The following BCR variants were observed in gnomAD, a reference collection of about 807,000 sequenced individuals.
BCR encodes breakpoint cluster region protein.
BCR carries 58 observed loss-of-function variants against 138.6 expected under a neutral mutation model. The observed-to-expected ratio is 0.42, with a 90% CI of 0.34 to 0.52. BCR has a LOEUF of 0.52. Ranked by LOEUF, BCR falls within the 20% of genes least tolerant of loss-of-function variation. BCR has a pLI of 0.06. For missense variants in BCR, 1,599 were observed against 1,727.2 expected (o/e 0.93, Z 1.32); for synonymous variants, 786 against 730.1 (o/e 1.08, Z -1.23).
chr22:23,181,519 G>A lies in BCR; in HGVS notation c.559G>A (p.Gly187Ser), dbSNP rs753502630. 6.2e-7 allele frequency: 1 copy of A among 1,612,596 alleles called. No homozygotes were observed. Among genetic ancestry groups the A allele is most frequent in the Non-Finnish European group, 8.5e-7 (1 of 1,179,678 alleles). The change falls in exon 1 of 23, where the codon GGC becomes AGC. Residue 187 changes from glycine to serine, a missense_variant. Transcript: ENST00000305877. Reference protein sequence around the residue: ...YVNVEFHHERGLVKVNDKEVS... With the variant: ...YVNVEFHHERSLVKVNDKEVS... ...GAACGTCGAGTTTCACCACGAGCGC[G>A]GCCTGGTGAAGGTCAACGACAAAGA...
At chr22:23,249,179 CA>C (rs1285612570) in intron 1 of BCR, among the ~76,000 whole-genome samples, 1 of 151,928 alleles carries the variant, frequency 6.6e-6, no homozygotes, top group Admixed American at 6.6e-5. Context: ...CCTGTAATCC[CA>C]GCACTTTGGG....
At chr22:23,306,544 G>T (rs1479406825) in intron 16 of BCR, among the ~76,000 whole-genome samples, 2 of 152,242 alleles carry the variant, frequency 1.3e-5, no homozygotes, top group Non-Finnish European at 2.9e-5. Flanking sequence ...AGGAAGCTCA[G>T]CTTTTCTGGG....
At chr22:23,260,816 A>G in intron 2 of BCR, 134 bp from the exon 3 acceptor site, 1 of 832,722 alleles carries the variant, frequency 1.2e-6, no homozygotes, top group Admixed American at 1.9e-5. Context: ...CCTCCCTTTA[A>G]TTCCATGTGG....
intron 1 of BCR, among the ~76,000 whole-genome samples, chr22:23,234,069 G>A (rs968295085): frequency 6.6e-6 from 1 of 152,144 alleles, no homozygotes; most frequent in African/African-American, 2.4e-5. Context: ...CATTAATGGC[G>A]TGTGCATGAG....
chr22:23,270,900 T>G (rs144954259), intron 5 of BCR, among the ~76,000 whole-genome samples: 9 of 152,352 alleles, frequency 5.9e-5, no homozygotes, highest in Non-Finnish European at 1.3e-4. Flanking sequence ...TAGCACCTCA[T>G]TTTTTAGTAA....
chr22:23,188,374 C>G (rs2072373677), intron 1 of BCR, among the ~76,000 whole-genome samples: 1 of 152,182 alleles, frequency 6.6e-6, no homozygotes, highest in African/African-American at 2.4e-5. Flanking sequence ...CCATGACTCC[C>G]TTTTGCTTAG....
At chr22:23,185,703 G>A (rs1369139582) in intron 1 of BCR, among the ~76,000 whole-genome samples, 1 of 149,900 alleles carries the variant, frequency 6.7e-6, no homozygotes, top group East Asian at 2.0e-4. Context: ...CTCACAGAAG[G>A]AGAGTGTGGT....
intron 1 of BCR, among the ~76,000 whole-genome samples, chr22:23,224,201 T>A (rs2072862427): frequency 6.6e-6 from 1 of 152,196 alleles, no homozygotes; most frequent in South Asian, 2.1e-4. Flanking sequence ...GGCTCTCCTG[T>A]CCCAAGTGGC....
intron 2 of BCR, among the ~76,000 whole-genome samples, chr22:23,257,980 G>C (rs1423309577): frequency 6.6e-6 from 1 of 152,172 alleles, no homozygotes; most frequent in Non-Finnish European, 1.5e-5. Context: ...AGACAGGGAA[G>C]TTCCTAGCTC....
chr22:23,203,392 A>G (rs987756299), intron 1 of BCR, among the ~76,000 whole-genome samples: 6 of 152,204 alleles, frequency 3.9e-5, no homozygotes, highest in African/African-American at 1.4e-4. Context: ...CAGTTCCATC[A>G]GGTGCTAAAA....
intron 10 of BCR, among the ~76,000 whole-genome samples, chr22:23,286,756 G>A (rs2073718934): frequency 6.6e-6 from 1 of 152,140 alleles, no homozygotes; most frequent in Non-Finnish European, 1.5e-5. Flanking sequence ...AACATGCCCA[G>A]GGGCCCGATG....
At chr22:23,280,481 A>C (rs1029054068) in intron 8 of BCR, among the ~76,000 whole-genome samples, 1 of 152,208 alleles carries the variant, frequency 6.6e-6, no homozygotes, top group Admixed American at 6.5e-5. Context: ...TGACTGTCAC[A>C]TTCCCACCTG....
At position 23,316,919 on chromosome 22, in the gene BCR, T is replaced by C. The variant is rs2074078153; in HGVS notation, c.*1397T>C. The C allele has an allele frequency of 1.5e-5, 2 of 136,912 alleles. No homozygotes were observed. The highest frequency in any genetic ancestry group is 8.6e-5 in the African/African-American group (2 of 23,332). 8.5% of individuals were successfully genotyped at this position (136,912 alleles called of 1,614,324 possible). Reference sequence around the variant, plus strand: ...CCATCACTTTTTTAGAAAGAGGGGCTTGGGGCAGGCAGAGGAGAGAAGGGA... The same window carrying C: ...CCATCACTTTTTTAGAAAGAGGGGCCTGGGGCAGGCAGAGGAGAGAAGGGA... On this transcript the variant is annotated 3_prime_UTR_variant, in exon 23 of 23. Coordinates refer to ENST00000305877, the MANE Select transcript of BCR (RefSeq NM_004327.4).
Position 23,268,400 on chromosome 22 carries a change from C to T in BCR, c.1753-8C>T, listed in dbSNP as rs751791289. The T allele has an allele frequency of 4.4e-6, 7 of 1,604,520 alleles. No individual in the cohort carries two copies. In the South Asian group the frequency reaches 7.8e-5, roughly 18 times the overall value. On this transcript the variant is annotated splice_polypyrimidine_tract_variant and splice_region_variant and intron_variant, in intron 4 of 22. Transcript: ENST00000305877. ...CTGTCCCACTCTCTCTTCCTTCCTCCCCCTCAGGCCAGCCAGCTGGGTGTG... is the reference window on the plus strand; with the variant it reads ...CTGTCCCACTCTCTCTTCCTTCCTCTCCCTCAGGCCAGCCAGCTGGGTGTG...
chr22:23,257,710 C>T (rs2073310269), intron 2 of BCR, among the ~76,000 whole-genome samples: 1 of 152,196 alleles, frequency 6.6e-6, no homozygotes, highest in Non-Finnish European at 1.5e-5. Context: ...TAGGTCGCCC[C>T]ACCCTACGTG....
intron 16 of BCR, among the ~76,000 whole-genome samples, chr22:23,308,635 G>A (rs1421815682): frequency 6.6e-6 from 1 of 152,142 alleles, no homozygotes; most frequent in Non-Finnish European, 1.5e-5. Flanking sequence ...AGATGGTACT[G>A]CTCATTCACC....
intron 7 of BCR, 43 bp downstream of exon 7, chr22:23,273,176 C>G: frequency 6.3e-7 from 1 of 1,590,272 alleles, no homozygotes. Flanking sequence ...AAACTGCCCC[C>G]TCGGGCACAC....
intron 14 of BCR, 200 bp downstream of exon 14, chr22:23,290,613 C>T: frequency 1.7e-6 from 1 of 590,162 alleles, no homozygotes; most frequent in Non-Finnish European, 3.1e-6. Context: ...TGGCCTCTGC[C>T]CTCTCCCCTA....
At chr22:23,209,097 C>T (rs988427294) in intron 1 of BCR, among the ~76,000 whole-genome samples, 9 of 152,078 alleles carry the variant, frequency 5.9e-5, no homozygotes, top group Middle Eastern at 3.4e-3. Flanking sequence ...CGGTGGCTCA[C>T]GCCTGTAATC....
Sources: allele counts gnomAD v4.1 joint callset (sites outside exome capture counted in the v4.1 genomes callset), GRCh38; gene constraint gnomAD v4.1.1; transcripts MANE v1.5; gene names NCBI Gene and HGNC (gene_info 2026-07-23, HGNC 2026-07-21).